Variants in LRRC69 observed in about 807,000 individuals in gnomAD.
The protein encoded by LRRC69 is leucine-rich repeat-containing protein 69.
Under a neutral mutation model 37.8 loss-of-function variants are expected in LRRC69, and 42 were observed. That is an observed-to-expected ratio of 1.11 (90% confidence interval 0.87 to 1.44). The LOEUF is 1.44. Among genes scored for constraint, LRRC69 ranks in the 40% most tolerant of loss-of-function variants. The pLI is 0.00. For missense variants in LRRC69, 357 were observed against 401.9 expected (o/e 0.89, Z 0.96); for synonymous variants, 141 against 143.1 (o/e 0.99, Z 0.11).
intron 5 of LRRC69, among the ~76,000 whole-genome samples, chr8:91,177,456 CTA>C (rs747593966): frequency 6.6e-6 from 1 of 151,794 alleles, no homozygotes; most frequent in African/African-American, 2.4e-5. Context: ...TAAGCATCAA[CTA>C]TATATATATT....
chr8:91,197,154 G>A (rs1029857394), intron 6 of LRRC69, among the ~76,000 whole-genome samples: 6 of 152,072 alleles, frequency 3.9e-5, no homozygotes, highest in Admixed American at 1.3e-4. Context: ...TAGGCTACTC[G>A]GGGGTCAGGG....
intron 1 of LRRC69, among the ~76,000 whole-genome samples, chr8:91,111,263 A>G (rs1813406156): frequency 6.6e-6 from 1 of 152,100 alleles, no homozygotes; most frequent in Non-Finnish European, 1.5e-5. Context: ...GGCCAGGCAC[A>G]GTGGCTCATG....
chr8:91,205,782 A>G (rs1189003235), intron 7 of LRRC69, among the ~76,000 whole-genome samples: 6 of 152,166 alleles, frequency 3.9e-5, no homozygotes, highest in Admixed American at 3.9e-4. Flanking sequence ...AAGTGGAAGA[A>G]TCTAATCAGA....
chr8:91,125,991 C>T (rs1294942785), intron 2 of LRRC69, among the ~76,000 whole-genome samples: 6 of 151,902 alleles, frequency 3.9e-5, no homozygotes, highest in Admixed American at 2.6e-4. Flanking sequence ...GCCATCATCT[C>T]AAACACTTAT....
intron 5 of LRRC69, among the ~76,000 whole-genome samples, chr8:91,175,268 C>G (rs1462431761): frequency 1.3e-5 from 2 of 151,222 alleles, no homozygotes; most frequent in Non-Finnish European, 2.9e-5. Context: ...CAAGGAGGAG[C>G]TGGAATCCTC....
In LRRC69 at chr8:91,158,842, G is replaced by C. The variant is rs547884445; in HGVS notation, c.651+23103G>C. On this transcript the variant is annotated intron_variant, in intron 5 of 7. Transcript: ENST00000448384. ...AAAGTGTAAAATAGAATGTTACTTT[G>C]GAATGACTATAAACATTGAAAGAAG... is the stretch of plus-strand genomic sequence containing the variant. 6.2e-5 allele frequency: 42 copies of C among 672,140 alleles called. 1 individual carries two copies. The highest frequency in any genetic ancestry group is 5.6e-4 in the Admixed American group (25 of 44,596). The allele number at this position is 672,140 out of a possible 1,614,324, so 41.6% of individuals were successfully genotyped here.
At chr8:91,194,536 G>T (rs539957950) in intron 6 of LRRC69, among the ~76,000 whole-genome samples, 1 of 151,808 alleles carries the variant, frequency 6.6e-6, no homozygotes, top group South Asian at 2.1e-4. Flanking sequence ...CCTGTTATTG[G>T]TCTATTCAGA....
intron 5 of LRRC69, among the ~76,000 whole-genome samples, chr8:91,166,646 T>C (rs1007077289): frequency 7.3e-5 from 11 of 151,556 alleles, no homozygotes; most frequent in Non-Finnish European, 1.6e-4. Context: ...ATCAAACATA[T>C]AGCTTGTGTT....
intron 7 of LRRC69, among the ~76,000 whole-genome samples, chr8:91,214,799 G>C (rs1167559995): frequency 6.6e-6 from 1 of 151,752 alleles, no homozygotes; most frequent in Non-Finnish European, 1.5e-5. Context: ...TTGGTGACTT[G>C]ACAGAAATTT....
At chr8:91,171,709 A>G (rs1465825257) in intron 5 of LRRC69, among the ~76,000 whole-genome samples, 1 of 152,042 alleles carries the variant, frequency 6.6e-6, no homozygotes, top group Non-Finnish European at 1.5e-5. Flanking sequence ...TCTTTGGAAA[A>G]TTTACACATT....
intron 5 of LRRC69, among the ~76,000 whole-genome samples, chr8:91,146,273 G>A (rs1808617136): frequency 6.6e-6 from 1 of 151,788 alleles, no homozygotes; most frequent in African/African-American, 2.4e-5. Context: ...CTTCAAAATG[G>A]AGATCCTCAA....
chr8:91,148,098 A>G (rs1022592138), intron 5 of LRRC69, among the ~76,000 whole-genome samples: 38 of 150,082 alleles, frequency 2.5e-4, no homozygotes, highest in African/African-American at 8.8e-4. Context: ...TTTTTTTATT[A>G]TACTTTAAGT....
rs770411030 is a variant in LRRC69, at chr8:91,200,636, G to A, written c.777G>A (p.Met259Ile). 2.1e-6 allele frequency: 3 copies of A among 1,447,142 alleles called. No individual in the cohort carries two copies. The East Asian group carries it at 8.4e-5, about 41-fold the overall frequency. 89.6% of individuals were successfully genotyped at this position (1,447,142 alleles called of 1,614,324 possible). The change falls in exon 7 of 8, where the codon ATG (methionine) becomes ATA (isoleucine). Residue 259 changes from methionine (M) to isoleucine (I), a missense_variant. By Grantham distance (10) the Met-to-Ile change is conservative. Coordinates refer to ENST00000448384, the Ensembl canonical transcript of LRRC69. ...AGGAAATAACATCAAGATTTGTAAT[G>A]AATCAGCTAGCAGAAAATAACCCTT...
At chr8:91,102,775 C>A in exon 1 of LRRC69, 1 of 1,551,846 alleles carries the variant, frequency 6.4e-7, no homozygotes, top group East Asian at 2.4e-5. Flanking sequence ...AACTGCCTGG[C>A]CTGAAGACTC....
chr8:91,160,034 A>T (rs1406990713), intron 5 of LRRC69, among the ~76,000 whole-genome samples: 1 of 151,150 alleles, frequency 6.6e-6, no homozygotes, highest in Non-Finnish European at 1.5e-5. Flanking sequence ...ATGTCTTTCC[A>T]TTTTTGTGTT....
At chr8:91,123,851 T>C (rs1813671975) in intron 1 of LRRC69, among the ~76,000 whole-genome samples, 1 of 152,038 alleles carries the variant, frequency 6.6e-6, no homozygotes, top group Non-Finnish European at 1.5e-5. Context: ...ACTCCCGTTA[T>C]GTGCAGTTCT....
chr8:91,133,935 A>G (rs1464311765), intron 4 of LRRC69, among the ~76,000 whole-genome samples: 1 of 151,992 alleles, frequency 6.6e-6, no homozygotes, highest in Non-Finnish European at 1.5e-5. Flanking sequence ...CCCAGCCTTG[A>G]TATTTCAATT....
intron 1 of LRRC69, chr8:91,118,350 GCAAAAAAAAAAAAAAAAAAAAA>G (rs1813552410): frequency 4.9e-5 from 1 of 20,236 alleles, no homozygotes; most frequent in Non-Finnish European, 8.7e-5. Flanking sequence ...TACTAAAAAT[GCAAAAAAAAAAAAAAAAAAAAA>G]AAAAAAAAAA....
chr8:91,184,959 A>G (rs568507641), intron 5 of LRRC69, among the ~76,000 whole-genome samples: 14 of 152,210 alleles, frequency 9.2e-5, no homozygotes, highest in Non-Finnish European at 2.1e-4. Context: ...TTTCATTTTG[A>G]GTGAGATGAG....
Sources: allele counts gnomAD v4.1 joint callset (sites outside exome capture counted in the v4.1 genomes callset), GRCh38; gene constraint gnomAD v4.1.1; transcripts MANE v1.5; gene names NCBI Gene and HGNC (gene_info 2026-07-23, HGNC 2026-07-21).